The following PLA2G1B variants were observed in gnomAD, a reference collection of about 807,000 sequenced individuals.
The protein encoded by PLA2G1B is phospholipase A2 group IB.
PLA2G1B carries 12 observed loss-of-function variants against 12.5 expected under a neutral mutation model. The ratio of observed to expected loss-of-function variants is 0.96; its 90% CI spans 0.62 to 1.56. PLA2G1B has a LOEUF of 1.56. PLA2G1B is among the 40% of genes most tolerant of loss of function. PLA2G1B has a pLI of 0.00. For synonymous variants in PLA2G1B, 81 were observed against 73.4 expected, an observed-to-expected ratio of 1.10 and a Z score of -0.53; for missense variants, 189 against 186.7, an observed-to-expected ratio of 1.01 and a Z score of -0.07.
In PLA2G1B at chr12:120,326,204, A is replaced by C. The variant is rs146913894; in HGVS notation, c.35-184T>G. 5.6e-3 allele frequency: 2,633 copies of C among 473,612 alleles called. 32 individuals are homozygous for C. Among genetic ancestry groups the C allele is most frequent in the African/African-American group, 0.027 (1,353 of 49,368 alleles). 29.3% of individuals were successfully genotyped at this position (473,612 alleles called of 1,614,324 possible). ...AGAGGTTTTTTTTTTTTTTTAATGA[A>C]AACTTTATATATATAAAGTTTATAT... is the stretch of plus-strand genomic sequence containing the variant. On this transcript the variant is annotated intron_variant, in intron 1 of 3. Transcript: ENST00000308366.
In PLA2G1B at chr12:120,325,903, C is replaced by G. The variant is rs1297236048; in HGVS notation, c.152G>C (p.Cys51Ser). The change falls in exon 2 of 4, where the codon TGT (cysteine) becomes TCT (serine). Residue 51 changes from cysteine (C) to serine (S), a missense_variant. Coordinates refer to ENST00000308366, the MANE Select transcript of PLA2G1B (RefSeq NM_000928.3). Reference sequence around the variant, plus strand: ...GGGGGTGCCTGAGCCCCCCAAGCCACAGTAGCAGCCGTAGTTGTTGTATTC... The same window carrying G: ...GGGGGTGCCTGAGCCCCCCAAGCCAGAGTAGCAGCCGTAGTTGTTGTATTC... ...FLEYNNYGCY[C>S]GLGGSGTPVD... 1 of 1,614,202 alleles carries G rather than the reference C, an allele frequency of 6.2e-7. No individual in the cohort carries two copies. The highest frequency in any genetic ancestry group is 1.7e-5 in the Admixed American group (1 of 60,022).
intron 1 of PLA2G1B, among the ~76,000 whole-genome samples, chr12:120,326,406 G>A (rs1367176904): frequency 2.1e-5 from 3 of 142,620 alleles, no homozygotes; most frequent in East Asian, 4.1e-4. Context: ...GCAGTGACAC[G>A]ATTTCAGCTC....
intron 3 of PLA2G1B, among the ~76,000 whole-genome samples, chr12:120,323,305 G>A (rs924658052): frequency 3.3e-5 from 5 of 151,492 alleles, no homozygotes; most frequent in Admixed American, 6.6e-5. Flanking sequence ...TCGCTGTGTC[G>A]CCCAGGCTGG....
intron 1 of PLA2G1B, 31 bp from the exon 2 acceptor site, chr12:120,326,051 G>A (rs1165079275): frequency 9.3e-6 from 15 of 1,608,974 alleles, no homozygotes; most frequent in Non-Finnish European, 1.2e-5. Flanking sequence ...AGTTCAAATC[G>A]GTCTGCCAGC....
intron 3 of PLA2G1B, 52 bp downstream of exon 3, chr12:120,324,882 G>T: frequency 2.5e-6 from 4 of 1,591,036 alleles, no homozygotes; most frequent in Non-Finnish European, 3.4e-6. Context: ...ATTTCCCCCC[G>T]GCCTACTGAG....
intron 3 of PLA2G1B, among the ~76,000 whole-genome samples, chr12:120,323,416 T>A (rs575927560): frequency 7.2e-5 from 11 of 152,014 alleles, no homozygotes; most frequent in African/African-American, 2.4e-4. Context: ...CAGGCATGCA[T>A]CACTACACCC....
chr12:120,322,181 G>A lies in PLA2G1B; in HGVS notation c.*12C>T. Reference sequence around the variant, plus strand: ...TGAGGCAGATAGAGGTGATGCTTTTGAGAGGTGATATTCAACTCTGACAAT... The same window carrying A: ...TGAGGCAGATAGAGGTGATGCTTTTAAGAGGTGATATTCAACTCTGACAAT... On this transcript the variant is annotated 3_prime_UTR_variant, in exon 4 of 4. Transcript: ENST00000308366. 2 of 1,613,332 alleles carry A rather than the reference G, an allele frequency of 1.2e-6. No individual in the cohort carries two copies. Among genetic ancestry groups the A allele is most frequent in the Non-Finnish European group, 1.7e-6 (2 of 1,179,436 alleles).
intron 2 of PLA2G1B, among the ~76,000 whole-genome samples, chr12:120,325,425 C>T (rs1039846053): frequency 8.5e-5 from 13 of 152,132 alleles, no homozygotes; most frequent in Admixed American, 8.5e-4. Context: ...GTCTCGAACT[C>T]CTGACCTCAA....
At chr12:120,325,232 A>C in intron 2 of PLA2G1B, among the ~76,000 whole-genome samples, 171 bp from the exon 3 acceptor site, 1 of 146,942 alleles carries the variant, frequency 6.8e-6, no homozygotes, top group Non-Finnish European at 1.5e-5. Flanking sequence ...TATTGAAAGC[A>C]TTTTTTTTTT....
intron 3 of PLA2G1B, among the ~76,000 whole-genome samples, chr12:120,322,883 A>G (rs930663638): frequency 2.0e-5 from 3 of 152,058 alleles, no homozygotes; most frequent in Non-Finnish European, 2.9e-5. Flanking sequence ...ACCATGCCCA[A>G]CCTAGTTTCT....
rs5634 is a variant in PLA2G1B at position 120,325,034 on chromosome 12, A to G, written c.222T>C (p.Tyr74=). The change falls in exon 3 of 4, where the codon TAT becomes TAC. Residue 74 remains tyrosine, a synonymous_variant. Transcript: ENST00000308366. The part of the protein sequence containing the change: ...DKCCQTHDNC[Y]DQAKKLDSCK... The stretch of plus-strand genomic sequence containing the variant: ...AGCTGTCCAGCTTCTTGGCCTGGTC[A>G]TAGCAGTTGTCATGTGTCTGGCAGC... 0.062 allele frequency: 99,393 copies of G among 1,613,802 alleles called. 4,273 individuals carry two copies. Among genetic ancestry groups the G allele is most frequent in the Admixed American group, 0.21 (12,870 of 59,934 alleles).
chr12:120,327,694 G>T, intron 1 of PLA2G1B, 26 bp downstream of exon 1: 2 of 1,610,390 alleles, frequency 1.2e-6, no homozygotes, highest in South Asian at 1.1e-5. Context: ...AGAGAAAGGC[G>T]GGTGGAGCCG....
chr12:120,326,168 T>A, intron 1 of PLA2G1B, 148 bp from the exon 2 acceptor site: 1 of 618,174 alleles, frequency 1.6e-6, no homozygotes, highest in Non-Finnish European at 2.7e-6. Flanking sequence ...CCTGGTAAAG[T>A]GAAAGTGGGT....
chr12:120,326,033 A>G lies in PLA2G1B; in HGVS notation c.35-13T>C, dbSNP rs2136856777. ...TCGGCGGCGGCCACTGCAAGAAGAC[A>G]TAGCCAGAGTTCAAATCGGTCTGCC... On this transcript the variant is annotated splice_polypyrimidine_tract_variant and intron_variant, in intron 1 of 3. Coordinates refer to ENST00000308366, the MANE Select transcript of PLA2G1B (RefSeq NM_000928.3). The G allele has an allele frequency of 6.2e-7, 1 of 1,613,084 alleles. No homozygotes were observed.
Position 120,322,302 on chromosome 12 carries a change from C to T in PLA2G1B, c.338G>A (p.Cys113Tyr). 1 of 1,613,976 alleles carries T rather than the reference C, an allele frequency of 6.2e-7. No individual in the cohort carries two copies. The highest frequency in any genetic ancestry group is 8.5e-7 in the Non-Finnish European group (1 of 1,179,944). Reference protein sequence around the residue: ...AITCSSKNKECEAFICNCDRN... With the variant: ...AITCSSKNKEYEAFICNCDRN... ...GTCGCAGTTGCAAATGAAGGCCTCA[C>T]ACTCTTTGTTTTTGCCTGGAGAGGG... Residue 113 changes from cysteine (C) to tyrosine (Y), a missense_variant, in exon 4 of 4, where the codon TGT (cysteine) becomes TAT (tyrosine). Transcript: ENST00000308366.
chr12:120,326,198 T>C, intron 1 of PLA2G1B, 178 bp from the exon 2 acceptor site: 2 of 418,912 alleles, frequency 4.8e-6, no homozygotes, highest in Non-Finnish European at 8.3e-6. Flanking sequence ...TTTTTTTTTT[T>C]AATGAAAACT....
intron 3 of PLA2G1B, among the ~76,000 whole-genome samples, chr12:120,324,646 T>G (rs1873301603): frequency 6.6e-6 from 1 of 152,040 alleles, no homozygotes; most frequent in African/African-American, 2.4e-5. Context: ...CATGCCTGGG[T>G]GACAGAGCAA....
chr12:120,323,632 TA>T (rs149397205), intron 3 of PLA2G1B, among the ~76,000 whole-genome samples: 9 of 151,114 alleles, frequency 6.0e-5, no homozygotes, highest in East Asian at 5.8e-4. Flanking sequence ...TTGCAAACAT[TA>T]AAAAAAAACT....
rs1252949977 is a variant in PLA2G1B at position 120,325,856 on chromosome 12, C to T, written c.194+5G>A. 1.9e-6 allele frequency: 3 copies of T among 1,613,338 alleles called. No homozygotes were observed. In the African/African-American group the frequency reaches 4.0e-5, roughly 22 times the overall value. ...CTCCAATTTTCCTGCAGGCGGATCA[C>T]TTACTTGTCCAGTTCATCCACGGGG... On this transcript the variant is annotated splice_donor_5th_base_variant and intron_variant, in intron 2 of 3. Coordinates refer to ENST00000308366, the MANE Select transcript of PLA2G1B (RefSeq NM_000928.3).
Sources: gnomAD v4.1 joint callset for allele counts (sites outside exome capture counted in the v4.1 genomes callset) on GRCh38, gnomAD v4.1.1 for gene constraint, MANE v1.5 for transcripts, NCBI Gene and HGNC (gene_info 2026-07-23, HGNC 2026-07-21) for gene names.